Variants in ZDHHC17 observed in about 807,000 individuals in gnomAD.
ZDHHC17 encodes palmitoyltransferase ZDHHC17.
ZDHHC17 carries 40 observed loss-of-function variants against 90.3 expected under a neutral mutation model. That is an observed-to-expected ratio of 0.44 (90% CI 0.34 to 0.58). The LOEUF is 0.58. Ranked by LOEUF, ZDHHC17 falls within the 20% of genes least tolerant of loss-of-function variation. The probability of loss-of-function intolerance (pLI) is 0.01; values close to 1 mark genes in which losing one functional copy is unlikely to be tolerated. For missense variants in ZDHHC17, 614 were observed against 780.8 expected, an observed-to-expected ratio of 0.79 and a Z score of 2.55; for synonymous variants, 235 against 252.4, an observed-to-expected ratio of 0.93 and a Z score of 0.65.
At chr12:76,804,523 T>C (rs903419659) in intron 2 of ZDHHC17, among the ~76,000 whole-genome samples, 1 of 152,214 alleles carries the variant, frequency 6.6e-6, no homozygotes, top group Non-Finnish European at 1.5e-5. Context: ...AGCCTGCGAA[T>C]GTAACAAATT....
chr12:76,803,810 T>A (rs968135181), intron 2 of ZDHHC17, among the ~76,000 whole-genome samples: 3 of 152,186 alleles, frequency 2.0e-5, no homozygotes, highest in Non-Finnish European at 4.4e-5. Context: ...ACTCTTCTGG[T>A]GGTCAACTAT....
intron 1 of ZDHHC17, among the ~76,000 whole-genome samples, chr12:76,775,658 A>T (rs951302121): frequency 6.6e-6 from 1 of 152,214 alleles, no homozygotes; most frequent in Non-Finnish European, 1.5e-5. Context: ...ATAATGGTGC[A>T]TATTATAATC....
intron 1 of ZDHHC17, 149 bp from the exon 2 acceptor site, chr12:76,797,283 TAA>T (rs899779565): frequency 1.1e-5 from 5 of 440,276 alleles, no homozygotes; most frequent in African/African-American, 8.3e-5. Flanking sequence ...ATAAATAAAA[TAA>T]AAGAGTATAG....
At chr12:76,822,306 A>T in intron 7 of ZDHHC17, 100 bp from the exon 8 acceptor site, 1 of 1,467,702 alleles carries the variant, frequency 6.8e-7, no homozygotes. Context: ...AAACAACGTT[A>T]ATAGGGCAGT....
rs114238190 is a variant in ZDHHC17, at chr12:76,813,956, T to C, written c.544-1190T>C. ...CCATGTCTTATTCTAAAGCCAAGCC[T>C]AGAAAAGTAGATAGATAAGCATGTC... is the stretch of plus-strand genomic sequence containing the variant. On this transcript the variant is annotated intron_variant, in intron 5 of 16. Transcript: ENST00000426126. Among the ~76,000 whole-genome samples the C allele has an allele frequency of 9.7e-3, 1,470 of 152,192 alleles. 21 individuals are homozygous for C. The highest frequency in any genetic ancestry group is 0.033 in the African/African-American group (1,390 of 41,540).
intron 1 of ZDHHC17, among the ~76,000 whole-genome samples, chr12:76,765,904 G>A (rs1952424917): frequency 6.6e-6 from 1 of 152,116 alleles, no homozygotes; most frequent in Non-Finnish European, 1.5e-5. Flanking sequence ...GTCTCCCTAT[G>A]TTGTCTAGGC....
At chr12:76,835,318 T>C (rs1216265676) in intron 10 of ZDHHC17, among the ~76,000 whole-genome samples, 1 of 152,190 alleles carries the variant, frequency 6.6e-6, no homozygotes, top group Non-Finnish European at 1.5e-5. Flanking sequence ...CCCAAAGTGC[T>C]GGGATTACAG....
chr12:76,775,602 G>C (rs144739366), intron 1 of ZDHHC17, among the ~76,000 whole-genome samples: 1 of 152,208 alleles, frequency 6.6e-6, no homozygotes, highest in African/African-American at 2.4e-5. Context: ...TGATAAAAAA[G>C]CATTCAGTTC....
intron 1 of ZDHHC17, among the ~76,000 whole-genome samples, chr12:76,795,159 G>C (rs1186602663): frequency 6.6e-6 from 1 of 152,048 alleles, no homozygotes; most frequent in Non-Finnish European, 1.5e-5. Flanking sequence ...TGAAGCAAAA[G>C]GAAGAGTTAG....
In ZDHHC17 at chr12:76,773,731, A is replaced by AT. The variant is rs992670846; in HGVS notation, c.93+9408dup. 8.5e-5 allele frequency among the ~76,000 whole-genome samples: 13 copies of AT among 152,106 alleles called. No homozygotes were observed. The South Asian group carries it at 1.4e-3, about 17-fold the overall frequency. Reference sequence around the variant, plus strand: ...TCAAAATACAATTTATTTTTTACTTATTTTTTACAATATAGTAGAAAAACT... The same window carrying AT: ...TCAAAATACAATTTATTTTTTACTTATTTTTTTACAATATAGTAGAAAAACT... On this transcript the variant is annotated intron_variant, in intron 1 of 16. Transcript: ENST00000426126.
At chr12:76,828,708 A>G (rs1264837009) in intron 10 of ZDHHC17, among the ~76,000 whole-genome samples, 1 of 152,212 alleles carries the variant, frequency 6.6e-6, no homozygotes, top group African/African-American at 2.4e-5. Context: ...AATAGTAGCT[A>G]TCATTTATTG....
chr12:76,834,014 T>G (rs1421272444), intron 10 of ZDHHC17, among the ~76,000 whole-genome samples: 1 of 152,138 alleles, frequency 6.6e-6, no homozygotes, highest in South Asian at 2.1e-4. Flanking sequence ...TAAAATACTT[T>G]CCTGCCTTAA....
intron 10 of ZDHHC17, among the ~76,000 whole-genome samples, chr12:76,841,591 C>G (rs928920729): frequency 2.0e-5 from 3 of 151,906 alleles, no homozygotes; most frequent in African/African-American, 7.2e-5. Flanking sequence ...TCTTTTTTGA[C>G]TTTCCTATAG....
At chr12:76,835,481 C>G (rs1953352573) in intron 10 of ZDHHC17, among the ~76,000 whole-genome samples, 1 of 151,526 alleles carries the variant, frequency 6.6e-6, no homozygotes, top group Non-Finnish European at 1.5e-5. Flanking sequence ...AAGTTTATAT[C>G]TCTTGTTAGA....
intron 1 of ZDHHC17, among the ~76,000 whole-genome samples, chr12:76,794,163 G>A (rs141888766): frequency 3.7e-4 from 57 of 152,242 alleles, no homozygotes; most frequent in Admixed American, 9.8e-4. Context: ...GAGATTACAG[G>A]CGTGAGCCAC....
intron 9 of ZDHHC17, among the ~76,000 whole-genome samples, chr12:76,827,725 A>G (rs1348457104): frequency 6.6e-6 from 1 of 152,138 alleles, no homozygotes. Flanking sequence ...GACTAGTATT[A>G]TAATATGCTG....
chr12:76,812,011 A>G lies in ZDHHC17; in HGVS notation c.543+2154A>G, dbSNP rs796325624. On this transcript the variant is annotated intron_variant, in intron 5 of 16. Transcript: ENST00000426126. ...TGTATGTATAAGGTGTATATGAAAG[A>G]TGAATGAATTCCACATTTAGATTTT... Among the ~76,000 whole-genome samples, 17 of 152,324 alleles carry G rather than the reference A, an allele frequency of 1.1e-4. No homozygotes were observed. The South Asian group carries it at 2.7e-3, about 24-fold the overall frequency.
chr12:76,775,523 A>C (rs565104003), intron 1 of ZDHHC17, among the ~76,000 whole-genome samples: 6 of 152,214 alleles, frequency 3.9e-5, no homozygotes, highest in Admixed American at 3.9e-4. Context: ...TAAAAATCTA[A>C]GTAAGTCTGT....
chr12:76,834,251 CAA>C (rs1205946688), intron 10 of ZDHHC17, among the ~76,000 whole-genome samples: 1 of 151,996 alleles, frequency 6.6e-6, no homozygotes. Flanking sequence ...TATAATTAAA[CAA>C]ATCTAAAATT....
Sources: allele counts gnomAD v4.1 joint callset (sites outside exome capture counted in the v4.1 genomes callset), GRCh38; gene constraint gnomAD v4.1.1; transcripts MANE v1.5; gene names NCBI Gene and HGNC (gene_info 2026-07-23, HGNC 2026-07-21).